Variants in SORCS3 observed in about 807,000 individuals in gnomAD.
SORCS3 encodes VPS10 domain-containing receptor SorCS3.
A neutral mutation model predicts 146.3 loss-of-function variants in SORCS3; 57 were observed. The observed-to-expected ratio is 0.39, with a 90% CI of 0.31 to 0.49. The LOEUF (loss-of-function observed/expected upper bound fraction) is 0.49, where lower values mean the gene tolerates loss of function less well. Ranked by LOEUF, SORCS3 falls within the 20% of genes least tolerant of loss-of-function variation. The pLI is 0.92. For missense variants in SORCS3, 1,341 were observed against 1,575.5 expected, an observed-to-expected ratio of 0.85 and a Z score of 2.52; for synonymous variants, 653 against 618.5, an observed-to-expected ratio of 1.06 and a Z score of -0.83.
chr10:105,105,322 GA>G (rs1403572661), intron 6 of SORCS3, 74 bp from the exon 7 acceptor site: 2 of 849,050 alleles, frequency 2.4e-6, no homozygotes, highest in African/African-American at 3.4e-5. Flanking sequence ...CCATGAAGTA[GA>G]GTTTTGTATG....
chr10:105,023,723 G>A (rs2055211035), intron 4 of SORCS3, among the ~76,000 whole-genome samples: 1 of 151,928 alleles, frequency 6.6e-6, no homozygotes, highest in African/African-American at 2.4e-5. Flanking sequence ...TCCAAATGAT[G>A]GGTCCAATAG....
intron 20 of SORCS3, among the ~76,000 whole-genome samples, chr10:105,243,112 T>G (rs2056846675): frequency 6.8e-6 from 1 of 146,292 alleles, no homozygotes; most frequent in African/African-American, 2.5e-5. Flanking sequence ...TGTTTAGAGA[T>G]ATCTCATTTT....
rs577115237 is a variant in SORCS3, at chr10:104,663,499, C to T, written c.627+21545C>T. On this transcript the variant is annotated intron_variant, in intron 1 of 26. Coordinates refer to ENST00000369701, the MANE Select transcript of SORCS3 (RefSeq NM_014978.3). ...AACTTCTCCTCCAAGGCAGGGCTTC[C>T]TCCATTGCTTTCCTCTCTCCGCATG... Among the ~76,000 whole-genome samples, 132 of 152,286 alleles carry T rather than the reference C, an allele frequency of 8.7e-4. No individual in the cohort carries two copies. The South Asian group carries it at 9.5e-3, about 11-fold the overall frequency.
chr10:105,204,679 G>A (rs2056591964), intron 16 of SORCS3, among the ~76,000 whole-genome samples: 1 of 150,050 alleles, frequency 6.7e-6, no homozygotes, highest in Admixed American at 6.7e-5. Context: ...TCAGTTTGTG[G>A]TCATAATCTC....
At chr10:105,203,957 C>T (rs1239434222) in intron 16 of SORCS3, among the ~76,000 whole-genome samples, 1 of 152,116 alleles carries the variant, frequency 6.6e-6, no homozygotes, top group African/African-American at 2.4e-5. Flanking sequence ...GCACTGTTTT[C>T]AGAGTAGGAT....
chr10:105,217,038 A>G lies in SORCS3; in HGVS notation c.2650A>G (p.Lys884Glu), dbSNP rs1362401934. 5 of 1,614,028 alleles carry G rather than the reference A, an allele frequency of 3.1e-6. No individual in the cohort carries two copies. Among genetic ancestry groups the G allele is most frequent in the Non-Finnish European group, 3.4e-6 (4 of 1,180,030 alleles). Residue 884 changes from lysine (K) to glutamate (E), a missense_variant, in exon 19 of 27, where the codon AAG becomes GAG. By Grantham distance (56) the Lys-to-Glu change is moderately conservative (BLOSUM62 1). Transcript: ENST00000369701. ...PIEDGIKHVY[K>E]SAGIFQVTAY... ...CGAGGACGGCATCAAGCACGTGTAT[A>G]AGAGTGCGGGGATCTTCCAGGTGAC...
At chr10:104,991,731 C>T (rs1258482253) in intron 4 of SORCS3, among the ~76,000 whole-genome samples, 1 of 152,178 alleles carries the variant, frequency 6.6e-6, no homozygotes, top group East Asian at 1.9e-4. Flanking sequence ...GAACTCCTGA[C>T]CTTGTGATCC....
At chr10:105,201,317 G>C in intron 16 of SORCS3, 64 bp downstream of exon 16, 1 of 1,549,326 alleles carries the variant, frequency 6.5e-7, no homozygotes, top group East Asian at 2.3e-5. Flanking sequence ...GGGGTGGGGT[G>C]GGGTGAAGAT....
intron 1 of SORCS3, among the ~76,000 whole-genome samples, chr10:104,813,193 C>T (rs1346793785): frequency 1.3e-5 from 2 of 152,320 alleles, no homozygotes; most frequent in African/African-American, 2.4e-5. Flanking sequence ...CTGCTATTCC[C>T]TGTGAGCACA....
intron 1 of SORCS3, among the ~76,000 whole-genome samples, chr10:104,765,777 T>A (rs111611451): frequency 0.03 from 4,596 of 152,340 alleles, 86 homozygotes; most frequent in Middle Eastern, 0.044. Context: ...TTAATTTTTT[T>A]AATAACTATA....
At chr10:104,914,497 G>A (rs986961660) in intron 2 of SORCS3, among the ~76,000 whole-genome samples, 3 of 152,118 alleles carry the variant, frequency 2.0e-5, no homozygotes, top group African/African-American at 7.2e-5. Flanking sequence ...ACTGTTAAGG[G>A]TCATCACATT....
chr10:105,206,988 G>T (rs962223980), intron 16 of SORCS3, among the ~76,000 whole-genome samples: 1 of 152,112 alleles, frequency 6.6e-6, no homozygotes, highest in African/African-American at 2.4e-5. Context: ...GAGAGCCCCT[G>T]CAGCTTGTCT....
intron 3 of SORCS3, among the ~76,000 whole-genome samples, chr10:104,923,279 C>T (rs1025166981): frequency 1.3e-5 from 2 of 152,120 alleles, no homozygotes; most frequent in East Asian, 3.9e-4. Flanking sequence ...GTTGGGAAGT[C>T]CTTAGGAAGT....
intron 2 of SORCS3, among the ~76,000 whole-genome samples, chr10:104,856,105 A>G (rs922916489): frequency 2.0e-5 from 3 of 152,158 alleles, no homozygotes; most frequent in Non-Finnish European, 4.4e-5. Flanking sequence ...CAGGAAACAG[A>G]GTGAAGTTCT....
intron 1 of SORCS3, among the ~76,000 whole-genome samples, chr10:104,823,768 G>T (rs59060216): frequency 7.2e-5 from 11 of 152,306 alleles, no homozygotes; most frequent in African/African-American, 2.4e-4. Flanking sequence ...CTGTGGATGT[G>T]TTAGGTCACA....
At chr10:104,826,720 T>TTTCA (rs2017939669) in intron 1 of SORCS3, among the ~76,000 whole-genome samples, 1 of 152,144 alleles carries the variant, frequency 6.6e-6, no homozygotes, top group Non-Finnish European at 1.5e-5. Flanking sequence ...TTTCAGAAAA[T>TTTCA]GAGACCACAA....
At chr10:104,947,776 C>G (rs578165202) in intron 3 of SORCS3, among the ~76,000 whole-genome samples, 11 of 152,194 alleles carry the variant, frequency 7.2e-5, no homozygotes, top group African/African-American at 2.6e-4. Flanking sequence ...GCACGTGGCA[C>G]CATGCCTGGC....
intron 1 of SORCS3, among the ~76,000 whole-genome samples, chr10:104,650,672 G>A (rs2015548105): frequency 6.6e-6 from 1 of 152,172 alleles, no homozygotes; most frequent in Admixed American, 6.5e-5. Flanking sequence ...GTCAATAGGT[G>A]CTTATTGAGT....
At chr10:105,105,359 C>G (rs371498679) in intron 6 of SORCS3, 38 bp from the exon 7 acceptor site, 1 of 1,411,372 alleles carries the variant, frequency 7.1e-7, no homozygotes, top group Admixed American at 1.7e-5. Flanking sequence ...TCATGATTTT[C>G]ACTTGTATCT....
Sources: gnomAD v4.1 joint callset for allele counts (sites outside exome capture counted in the v4.1 genomes callset) on GRCh38, gnomAD v4.1.1 for gene constraint, MANE v1.5 for transcripts, NCBI Gene and HGNC (gene_info 2026-07-23, HGNC 2026-07-21) for gene names.